SLC24A2: variants seen among roughly 807,000 people sequenced by gnomAD.
The protein encoded by SLC24A2 is sodium/potassium/calcium exchanger 2.
A neutral mutation model predicts 62.0 loss-of-function variants in SLC24A2; 36 were observed. That is an observed-to-expected ratio of 0.58 (90% confidence interval 0.44 to 0.77). The LOEUF (loss-of-function observed/expected upper bound fraction) is 0.77, where lower values mean the gene tolerates loss of function less well. Ranked by LOEUF, SLC24A2 falls within the 30% of genes least tolerant of loss-of-function variation. The probability of loss-of-function intolerance (pLI) is 0.00; values close to 1 mark genes in which losing one functional copy is unlikely to be tolerated. For missense variants in SLC24A2, 846 were observed against 817.9 expected (o/e 1.03, Z -0.42); for synonymous variants, 358 against 294.0 (o/e 1.22, Z -2.23).
the SLC24A2 span, among the ~76,000 whole-genome samples, chr9:19,971,777 GATGACGATGGCTGACA>G: frequency 1.3e-5 from 2 of 152,104 alleles, no homozygotes; most frequent in Non-Finnish European, 2.9e-5. Flanking sequence ...TGATGATGAT[GATGACGATGGCTGACA>G]CCAACTGAGC....
chr9:19,814,243 A>G, the SLC24A2 span, among the ~76,000 whole-genome samples: 1 of 152,146 alleles, frequency 6.6e-6, no homozygotes, highest in African/African-American at 2.4e-5. Flanking sequence ...GCCAAATAAA[A>G]ATCAAGATTC....
chr9:19,723,710 A>G (rs1821093124), intron 2 of SLC24A2, among the ~76,000 whole-genome samples: 1 of 152,108 alleles, frequency 6.6e-6, no homozygotes, highest in African/African-American at 2.4e-5. Flanking sequence ...TTGAAATCTA[A>G]TTTCAGGAGA....
At chr9:19,828,399 A>G in the SLC24A2 span, among the ~76,000 whole-genome samples, 66 of 152,302 alleles carry the variant, frequency 4.3e-4, no homozygotes, top group African/African-American at 1.5e-3. Flanking sequence ...CATGCACCCC[A>G]TAAATAATAA....
chr9:19,945,163 G>C, the SLC24A2 span, among the ~76,000 whole-genome samples: 3 of 152,140 alleles, frequency 2.0e-5, no homozygotes, highest in Non-Finnish European at 2.9e-5. Context: ...TCCAGACTCG[G>C]CTGGGACAAT....
chr9:19,937,077 G>T, the SLC24A2 span, among the ~76,000 whole-genome samples: 1 of 152,118 alleles, frequency 6.6e-6, no homozygotes. Flanking sequence ...ATTGAGTCAA[G>T]AATTAGGCCT....
intron 5 of SLC24A2, among the ~76,000 whole-genome samples, chr9:19,582,132 C>T (rs1402926824): frequency 6.6e-6 from 1 of 151,992 alleles, no homozygotes; most frequent in East Asian, 1.9e-4. Flanking sequence ...TAGGGAAGTG[C>T]GGAAGTAAAA....
chr9:20,243,732 G>A, the SLC24A2 span, among the ~76,000 whole-genome samples: 41 of 152,260 alleles, frequency 2.7e-4, no homozygotes, highest in African/African-American at 7.7e-4. Context: ...CAGAGCAAAT[G>A]AGATGTGGTC....
rs535167443 is a variant in SLC24A2 at position 19,683,937 on chromosome 9, C to T, written c.931-61638G>A. On this transcript the variant is annotated intron_variant, in intron 2 of 10. Transcript: ENST00000341998. ...TGTGTCTGGCTTTTCACCATCTCCC[C>T]TCCTGGGGAGTAGCCCTTGGAATAC... Among the ~76,000 whole-genome samples the T allele has an allele frequency of 2.0e-5, 3 of 152,212 alleles. No homozygotes were observed. The South Asian group carries it at 6.2e-4, about 32-fold the overall frequency.
intron 2 of SLC24A2, among the ~76,000 whole-genome samples, chr9:19,656,128 TTCTC>T (rs1323973102): frequency 6.6e-6 from 1 of 152,210 alleles, no homozygotes; most frequent in African/African-American, 2.4e-5. Flanking sequence ...CAGAATGTGT[TTCTC>T]TCTAAACCAG....
chr9:20,191,968 G>A, the SLC24A2 span, among the ~76,000 whole-genome samples: 4 of 152,148 alleles, frequency 2.6e-5, no homozygotes, highest in East Asian at 1.9e-4. Flanking sequence ...AGAGGGGTAA[G>A]ATGAACTCAA....
At chr9:20,218,969 G>C in the SLC24A2 span, among the ~76,000 whole-genome samples, 1 of 152,152 alleles carries the variant, frequency 6.6e-6, no homozygotes, top group African/African-American at 2.4e-5. Context: ...TTGATGAAGT[G>C]CTGAGGGCTT....
the SLC24A2 span, among the ~76,000 whole-genome samples, chr9:20,204,963 T>C: frequency 6.6e-6 from 1 of 152,026 alleles, no homozygotes; most frequent in South Asian, 2.1e-4. Flanking sequence ...GCCAGAATGG[T>C]CTCGACCTCT....
the SLC24A2 span, among the ~76,000 whole-genome samples, chr9:20,251,799 C>T: frequency 2.6e-5 from 4 of 152,234 alleles, no homozygotes; most frequent in Admixed American, 1.3e-4. Flanking sequence ...TCCAAGATCC[C>T]TCTGTCACCC....
rs529606025 is a variant in SLC24A2 at position 19,627,065 on chromosome 9, TTGAC to T, written c.931-4770_931-4767del. Among the ~76,000 whole-genome samples the T allele has an allele frequency of 1.7e-3, 255 of 152,296 alleles. 2 individuals are homozygous for T. The highest frequency in any genetic ancestry group is 5.9e-3 in the African/African-American group (246 of 41,568). ...AAGAAAAATTTAAATTCAAATTACT[TTGAC>T]TGGTTGCTGGTAATTATCTGACAAT... On this transcript the variant is annotated intron_variant, in intron 2 of 10. Coordinates refer to ENST00000341998, the MANE Select transcript of SLC24A2 (RefSeq NM_020344.4).
intron 2 of SLC24A2, among the ~76,000 whole-genome samples, chr9:19,680,028 G>A (rs1564033117): frequency 6.6e-6 from 1 of 152,042 alleles, no homozygotes; most frequent in Non-Finnish European, 1.5e-5. Flanking sequence ...TAGCTATTAT[G>A]GGCTCTTCCA....
chr9:19,928,750 A>C, the SLC24A2 span: 1 of 152,236 alleles, frequency 6.6e-6, no homozygotes, highest in Non-Finnish European at 1.5e-5. Context: ...AAGTTTAGGA[A>C]GGTTGCCAAA....
At position 19,724,454 on chromosome 9, in the gene SLC24A2, G is replaced by T. The variant is rs143444002; in HGVS notation, c.930+61483C>A. ...TTGAAAGACAACTTTGCACAATTTT[G>T]ATTTGTAAAAGATGAACTGGGGAAA... On this transcript the variant is annotated intron_variant, in intron 2 of 10. Transcript: ENST00000341998. Among the ~76,000 whole-genome samples, 51 of 152,284 alleles carry T rather than the reference G, an allele frequency of 3.3e-4. No individual in the cohort carries two copies. The East Asian group carries it at 8.3e-3, about 25-fold the overall frequency.
intron 8 of SLC24A2, among the ~76,000 whole-genome samples, chr9:19,531,641 T>C (rs778197716): frequency 1.4e-4 from 22 of 152,188 alleles, no homozygotes; most frequent in Middle Eastern, 6.8e-3. Flanking sequence ...TCAACAAATA[T>C]TCACTCAGCA....
intron 2 of SLC24A2, among the ~76,000 whole-genome samples, chr9:19,651,411 T>C (rs1818797224): frequency 6.6e-6 from 1 of 152,182 alleles, no homozygotes; most frequent in South Asian, 2.1e-4. Flanking sequence ...ATATGGTGAA[T>C]AGAATGAGGA....
Sources: gnomAD v4.1 joint callset for allele counts (sites outside exome capture counted in the v4.1 genomes callset) on GRCh38, gnomAD v4.1.1 for gene constraint, MANE v1.5 for transcripts, NCBI Gene and HGNC (gene_info 2026-07-23, HGNC 2026-07-21) for gene names.